The following PCDHGA1 variants were observed in gnomAD, a reference collection of about 807,000 sequenced individuals.
The protein encoded by PCDHGA1 is protocadherin gamma subfamily A, 1.
In PCDHGA1, 32 loss-of-function variants were observed where a neutral mutation model predicts 58.0. The observed-to-expected ratio is 0.55, with a 90% CI of 0.42 to 0.74. The LOEUF is 0.74. Ranked by LOEUF, PCDHGA1 falls within the 30% of genes least tolerant of loss-of-function variation. The pLI is 0.00. For missense variants in PCDHGA1, 1,205 were observed against 1,182.3 expected, an observed-to-expected ratio of 1.02 and a Z score of -0.28; for synonymous variants, 498 against 501.1, an observed-to-expected ratio of 0.99 and a Z score of 0.08.
intron 1 of PCDHGA1, among the ~76,000 whole-genome samples, chr5:141,435,921 C>T (rs767290430): frequency 1.3e-5 from 2 of 152,186 alleles, no homozygotes; most frequent in Admixed American, 6.5e-5. Context: ...CTCTAAAATG[C>T]GGCAGTTGCT....
At chr5:141,340,327 C>T (rs775575044) in intron 1 of PCDHGA1, 1 of 1,614,210 alleles carries the variant, frequency 6.2e-7, no homozygotes, top group East Asian at 2.2e-5. Context: ...CACCCGCCTT[C>T]TCCCGCACAT....
intron 1 of PCDHGA1, among the ~76,000 whole-genome samples, chr5:141,396,846 C>T (rs2093443938): frequency 6.6e-6 from 1 of 152,166 alleles, no homozygotes; most frequent in Admixed American, 6.5e-5. Flanking sequence ...TGGGAGTTAA[C>T]TTCATAGTTT....
At chr5:141,427,525 C>T (rs779318429) in intron 1 of PCDHGA1, 9 of 611,980 alleles carry the variant, frequency 1.5e-5, no homozygotes, top group South Asian at 3.0e-5. Flanking sequence ...GAGCGGATCC[C>T]GGAGTACAAC....
chr5:141,338,960 G>T, intron 1 of PCDHGA1: 1 of 1,524,796 alleles, frequency 6.6e-7, no homozygotes, highest in South Asian at 1.3e-5. Context: ...AGAAAATTGC[G>T]ACAGGAGGGA....
chr5:141,431,976 C>T lies in PCDHGA1; in HGVS notation c.2422-62831C>T, dbSNP rs2097433306. ...TACGGAAATTACTATAGTTTAGTCACAGACATAGTCTTGGATAGGGAACAG... is the reference window on the plus strand; with the variant it reads ...TACGGAAATTACTATAGTTTAGTCATAGACATAGTCTTGGATAGGGAACAG... On this transcript the variant is annotated intron_variant, in intron 1 of 3. Transcript: ENST00000517417. This position sits in a 1 kb window ranked among gnomAD's most constrained non-coding sequence, Gnocchi z 4.8. 6.2e-7 allele frequency: 1 copy of T among 1,614,078 alleles called. No individual in the cohort carries two copies. The highest frequency in any genetic ancestry group is 1.3e-5 in the African/African-American group (1 of 74,934).
intron 1 of PCDHGA1, chr5:141,419,504 C>T (rs577411043): frequency 4.7e-5 from 75 of 1,612,298 alleles, no homozygotes; most frequent in South Asian, 2.7e-4. Flanking sequence ...TGTGAGCCTG[C>T]GCGTGTTGGT....
chr5:141,351,781 C>G (rs1758819657), intron 1 of PCDHGA1: 5 of 1,613,322 alleles, frequency 3.1e-6, no homozygotes, highest in African/African-American at 1.3e-5. Context: ...GCCCGCAGAG[C>G]GGGGTGGTGT....
chr5:141,451,301 G>T (rs963686418), intron 1 of PCDHGA1, among the ~76,000 whole-genome samples: 3 of 152,196 alleles, frequency 2.0e-5, no homozygotes, highest in Non-Finnish European at 4.4e-5. Flanking sequence ...AGTCTTACAA[G>T]GCAGCAATTA....
intron 1 of PCDHGA1, chr5:141,404,457 C>A: frequency 1.2e-6 from 2 of 1,612,824 alleles, no homozygotes; most frequent in Non-Finnish European, 1.7e-6. Flanking sequence ...TCTCCTCTCT[C>A]CACCTATGTC....
chr5:141,352,643 G>A lies in PCDHGA1; in HGVS notation c.2421+19538G>A, dbSNP rs199530238. 1.1e-4 allele frequency: 177 copies of A among 1,606,940 alleles called. No individual in the cohort carries two copies. In the African/African-American group the frequency reaches 2.2e-3, roughly 20 times the overall value. On this transcript the variant is annotated intron_variant, in intron 1 of 3. Coordinates refer to ENST00000517417, the MANE Select transcript of PCDHGA1 (RefSeq NM_018912.3). ...TGCCAGTAATGAAGATCACAAAATC[G>A]CTTATGACCCTTCTTTGTCTTCGCA... is the stretch of plus-strand genomic sequence containing the variant.
intron 1 of PCDHGA1, among the ~76,000 whole-genome samples, chr5:141,437,980 C>T (rs1198278358): frequency 1.3e-5 from 2 of 152,050 alleles, no homozygotes; most frequent in Non-Finnish European, 2.9e-5. Flanking sequence ...TTGGGATGCA[C>T]CCACCCCACC....
intron 1 of PCDHGA1, chr5:141,478,214 C>T (rs1258200424): frequency 6.2e-7 from 1 of 1,614,140 alleles, no homozygotes; most frequent in Admixed American, 1.7e-5. Flanking sequence ...TTCTCTAATC[C>T]TGGTTTCTGT....
At chr5:141,388,492 A>G (rs2091380241) in intron 1 of PCDHGA1, 7 of 1,613,742 alleles carry the variant, frequency 4.3e-6, no homozygotes, top group South Asian at 1.1e-5. Flanking sequence ...TTGGACAGAG[A>G]AAAGCAGAAA....
chr5:141,364,575 G>T (rs372313739), intron 1 of PCDHGA1: 9 of 1,614,070 alleles, frequency 5.6e-6, no homozygotes, highest in East Asian at 2.2e-5. Flanking sequence ...CCGCGAAGCG[G>T]CAGCTTGGTC....
chr5:141,376,611 C>G lies in PCDHGA1; in HGVS notation c.2421+43506C>G. 2.1e-6 allele frequency: 3 copies of G among 1,439,262 alleles called. No individual in the cohort carries two copies. The East Asian group carries it at 7.3e-5, about 35-fold the overall frequency. The allele number at this position is 1,439,262 out of a possible 1,614,324, so 89.2% of individuals were successfully genotyped here. A position where few individuals can be genotyped will look rare whatever the true frequency, so the allele number is the denominator to read the frequency against. On this transcript the variant is annotated intron_variant, in intron 1 of 3. Coordinates refer to ENST00000517417, the MANE Select transcript of PCDHGA1 (RefSeq NM_018912.3). ...GATCGGCTGTTATAGAAGCGAACCT[C>G]TTTTGGTACAGGAAGATTCGTGATT...
chr5:141,417,923 C>T, intron 1 of PCDHGA1: 1 of 1,608,652 alleles, frequency 6.2e-7, no homozygotes, highest in Non-Finnish European at 8.5e-7. Context: ...TCCTTTGCTG[C>T]TGCCTTTGTT....
chr5:141,447,356 C>T (rs1158878203), intron 1 of PCDHGA1, among the ~76,000 whole-genome samples: 4 of 152,000 alleles, frequency 2.6e-5, no homozygotes, highest in African/African-American at 9.7e-5. Context: ...TCAGGCTGGT[C>T]TCAAACTCCT....
intron 1 of PCDHGA1, chr5:141,350,429 C>T (rs747653356): frequency 6.2e-7 from 1 of 1,609,682 alleles, no homozygotes; most frequent in African/African-American, 1.3e-5. Flanking sequence ...GCTCAGTGTC[C>T]GGGAGTTGCC....
intron 1 of PCDHGA1, chr5:141,384,978 G>C (rs1394445835): frequency 6.2e-7 from 1 of 1,614,032 alleles, no homozygotes; most frequent in Non-Finnish European, 8.5e-7. Context: ...CGTTGTACCT[G>C]GTGGTGGCGG....
Sources: allele counts gnomAD v4.1 joint callset (sites outside exome capture counted in the v4.1 genomes callset), GRCh38; gene constraint gnomAD v4.1.1; non-coding constraint Gnocchi (gnomAD v3.1); transcripts MANE v1.5; gene names NCBI Gene and HGNC (gene_info 2026-07-23, HGNC 2026-07-21).